Variants in ADCY2 observed in about 807,000 individuals in gnomAD.
ADCY2 encodes the protein adenylate cyclase 2, also known as adenylate cyclase type 2.
Under a neutral mutation model 125.2 loss-of-function variants are expected in ADCY2, and 31 were observed. The observed-to-expected ratio is 0.25, with a 90% CI of 0.19 to 0.33. The LOEUF is 0.33. Ranked by LOEUF, ADCY2 falls within the 10% of genes least tolerant of loss-of-function variation. The pLI is 1.00. For missense variants in ADCY2, 904 were observed against 1,418.2 expected (o/e 0.64, Z 5.82); for synonymous variants, 512 against 548.4 (o/e 0.93, Z 0.93).
chr5:7,512,218 CAA>C (rs57381383), intron 2 of ADCY2, among the ~76,000 whole-genome samples: 39 of 57,906 alleles, frequency 6.7e-4, no homozygotes, highest in African/African-American at 1.4e-3. Context: ...ATGACTCCAT[CAA>C]AAAAAAAAAA....
At position 7,766,817 on chromosome 5, in the gene ADCY2, T is replaced by G. The variant is rs201269630; in HGVS notation, c.2214+11T>G. 6.2e-7 allele frequency: 1 copy of G among 1,607,092 alleles called. No individual in the cohort carries two copies. The highest frequency in any genetic ancestry group is 8.5e-7 in the Non-Finnish European group (1 of 1,178,202). ...TTATTTTTCCTCCCGGTAAGAACAT[T>G]GCAATTATGACTGCTTTGGTGGCTC... is the stretch of plus-strand genomic sequence containing the variant. On this transcript the variant is annotated intron_variant, in intron 17 of 24. Transcript: ENST00000338316.
intron 15 of ADCY2, among the ~76,000 whole-genome samples, chr5:7,750,382 G>C (rs1392583701): frequency 1.3e-5 from 2 of 152,068 alleles, no homozygotes; most frequent in African/African-American, 2.4e-5. Flanking sequence ...TCTGAGTCTG[G>C]TAATTTTTCT....
chr5:7,523,127 T>C (rs1472530), intron 3 of ADCY2, among the ~76,000 whole-genome samples: 30,471 of 151,990 alleles, frequency 0.2, 3,413 homozygotes, highest in South Asian at 0.34. Context: ...CTGGTGCAGA[T>C]GTAATAGGAC....
At chr5:7,597,666 A>G (rs567959597) in intron 3 of ADCY2, among the ~76,000 whole-genome samples, 1 of 152,218 alleles carries the variant, frequency 6.6e-6, no homozygotes, top group Admixed American at 6.5e-5. Flanking sequence ...AGTCCCAGCT[A>G]CTCGGGAGGC....
In ADCY2 at chr5:7,757,497, T is replaced by A; in HGVS notation, c.2005T>A (p.Ser669Thr). The change falls in exon 16 of 25, where the codon TCG becomes ACG. Residue 669 changes from serine (S) to threonine (T), a missense_variant. Physicochemically the swap from Ser to Thr is moderately conservative, Grantham distance 58. Around this residue, in one of 7 missense-constraint regions of ADCY2, gnomAD observed 221 missense variants for 246.2 expected, o/e 0.90. Transcript: ENST00000338316. ...SPLLMWLLKS[S>T]GIIANRPWPR... ...CCTGCTCATGTGGCTTTTGAAGTCC[T>A]CGGGCATCATTGCCAACCGCCCCTG... 2.5e-6 allele frequency: 4 copies of A among 1,614,126 alleles called. No individual in the cohort carries two copies. In the East Asian group the frequency reaches 8.9e-5, roughly 36 times the overall value.
chr5:7,607,796 A>G (rs1346446335), intron 3 of ADCY2, among the ~76,000 whole-genome samples: 1 of 152,226 alleles, frequency 6.6e-6, no homozygotes. Flanking sequence ...TGTAACTTGT[A>G]TATTACCAAA....
intron 2 of ADCY2, among the ~76,000 whole-genome samples, chr5:7,436,594 C>T (rs1220148630): frequency 2.0e-5 from 3 of 152,222 alleles, no homozygotes; most frequent in African/African-American, 7.2e-5. Context: ...AATTCTGAGA[C>T]AAAGATCCCT....
intron 3 of ADCY2, among the ~76,000 whole-genome samples, chr5:7,571,368 G>A (rs903909938): frequency 1.3e-5 from 2 of 152,184 alleles, no homozygotes; most frequent in African/African-American, 4.8e-5. Flanking sequence ...AACGACTGGA[G>A]AAGATGGACA....
intron 2 of ADCY2, among the ~76,000 whole-genome samples, chr5:7,446,539 TA>T (rs1741260019): frequency 8.0e-6 from 1 of 124,558 alleles, no homozygotes. Flanking sequence ...CTGAAATAAA[TA>T]CATACATACA....
intron 2 of ADCY2, 40 bp from the exon 3 acceptor site, chr5:7,520,698 A>G (rs754703097): frequency 6.2e-7 from 1 of 1,609,126 alleles, no homozygotes; most frequent in Non-Finnish European, 8.5e-7. Context: ...AGAAACCAGA[A>G]TATTTGGTGA....
At chr5:7,572,234 T>G (rs1020781109) in intron 3 of ADCY2, among the ~76,000 whole-genome samples, 1 of 152,330 alleles carries the variant, frequency 6.6e-6, no homozygotes, top group East Asian at 1.9e-4. Context: ...AACATCATCT[T>G]CCACAATGGT....
At chr5:7,603,882 T>C (rs891344443) in intron 3 of ADCY2, among the ~76,000 whole-genome samples, 3 of 106,122 alleles carry the variant, frequency 2.8e-5, no homozygotes, top group Non-Finnish European at 5.5e-5. Context: ...TAGTTACATA[T>C]GTATACATGT....
intron 3 of ADCY2, among the ~76,000 whole-genome samples, chr5:7,625,320 C>T (rs951738108): frequency 4.5e-4 from 69 of 152,130 alleles, no homozygotes; most frequent in Non-Finnish European, 1.5e-4. Context: ...AAGCAAAGCA[C>T]AAAACTACAT....
chr5:7,640,841 C>T (rs190123839), intron 4 of ADCY2, among the ~76,000 whole-genome samples: 51 of 152,210 alleles, frequency 3.4e-4, no homozygotes, highest in Non-Finnish European at 6.8e-4. Flanking sequence ...TTTCTTTACC[C>T]TTGAAACAGA....
At chr5:7,776,425 C>T (rs1198290421) in intron 18 of ADCY2, among the ~76,000 whole-genome samples, 1 of 152,114 alleles carries the variant, frequency 6.6e-6, no homozygotes, top group African/African-American at 2.4e-5. Context: ...TACTCCTTGC[C>T]TTCTCTCTTC....
At chr5:7,424,547 T>C (rs1035422419) in intron 2 of ADCY2, among the ~76,000 whole-genome samples, 18 of 152,372 alleles carry the variant, frequency 1.2e-4, no homozygotes, top group Admixed American at 2.6e-4. Context: ...GAAAGGGACA[T>C]ATTTGTGAAT....
intron 3 of ADCY2, among the ~76,000 whole-genome samples, chr5:7,556,283 A>G (rs62341553): frequency 0.31 from 46,520 of 152,082 alleles, 8,272 homozygotes; most frequent in Non-Finnish European, 0.41. Context: ...AGAAGTCATT[A>G]TGTCCCTAGA....
chr5:7,468,489 A>G (rs1742211456), intron 2 of ADCY2, among the ~76,000 whole-genome samples: 1 of 152,176 alleles, frequency 6.6e-6, no homozygotes, highest in South Asian at 2.1e-4. Context: ...TTGTATTGCC[A>G]TTGAAGGTAT....
At position 7,823,599 on chromosome 5, in the gene ADCY2, G is replaced by C. The variant is rs191845358; in HGVS notation, c.3123+2910G>C. ...CAACCCCAGGTCTTATCTTGGCAGG[G>C]AAGAGAGGCCTGCCCCTACCAAGGA... On this transcript the variant is annotated intron_variant, in intron 24 of 24. Coordinates refer to ENST00000338316, the MANE Select transcript of ADCY2 (RefSeq NM_020546.3). Among the ~76,000 whole-genome samples, 939 of 152,304 alleles carry C rather than the reference G, an allele frequency of 6.2e-3. 10 individuals are homozygous for C. Among genetic ancestry groups the C allele is most frequent in the Non-Finnish European group, 8.4e-3 (572 of 68,018 alleles).
Sources: allele counts gnomAD v4.1 joint callset (sites outside exome capture counted in the v4.1 genomes callset), GRCh38; gene constraint gnomAD v4.1.1; regional missense constraint gnomAD v4.1.1; transcripts MANE v1.5; gene names NCBI Gene and HGNC (gene_info 2026-07-23, HGNC 2026-07-21).